Variants in LRBA observed in about 807,000 individuals in gnomAD.
LRBA encodes lipopolysaccharide-responsive and beige-like anchor protein.
Under a neutral mutation model 330.0 loss-of-function variants are expected in LRBA, and 176 were observed. The observed-to-expected ratio is 0.53, with a 90% CI of 0.47 to 0.60. The LOEUF (loss-of-function observed/expected upper bound fraction) is 0.60, where lower values mean the gene tolerates loss of function less well. LRBA is among the 20% of genes least tolerant of loss of function. LRBA has a pLI of 0.00. For missense variants in LRBA, 3,259 were observed against 3,444.8 expected, an observed-to-expected ratio of 0.95 and a Z score of 1.35; for synonymous variants, 1,230 against 1,193.0, an observed-to-expected ratio of 1.03 and a Z score of -0.64.
At chr4:150,935,487 G>T (rs972420235) in intron 2 of LRBA, among the ~76,000 whole-genome samples, 1 of 152,000 alleles carries the variant, frequency 6.6e-6, no homozygotes, top group African/African-American at 2.4e-5. Flanking sequence ...TTTGATAAAT[G>T]AACAGACCTG....
chr4:150,695,287 C>T (rs2126970764), intron 36 of LRBA, among the ~76,000 whole-genome samples: 1 of 152,182 alleles, frequency 6.6e-6, no homozygotes, highest in South Asian at 2.1e-4. Context: ...CTCTCTGTAT[C>T]CCCAGGTTCT....
chr4:150,449,735 A>C (rs1753117597), intron 44 of LRBA, among the ~76,000 whole-genome samples: 1 of 152,012 alleles, frequency 6.6e-6, no homozygotes, highest in South Asian at 2.1e-4. Flanking sequence ...GATTGACTGA[A>C]CTCCCCACAC....
At chr4:151,012,962 AC>A (rs1347415018) in intron 2 of LRBA, 1 of 152,054 alleles carries the variant, frequency 6.6e-6, no homozygotes, top group Non-Finnish European at 1.5e-5. Context: ...ATGGGGTTTC[AC>A]CATGTTGACT....
chr4:150,792,944 G>A (rs779512003), intron 34 of LRBA, among the ~76,000 whole-genome samples: 5 of 152,104 alleles, frequency 3.3e-5, no homozygotes, highest in Non-Finnish European at 7.4e-5. Flanking sequence ...GCCAGGCATG[G>A]TGGCAGGCAT....
At chr4:150,453,096 A>G (rs1182865845) in intron 44 of LRBA, among the ~76,000 whole-genome samples, 1 of 152,202 alleles carries the variant, frequency 6.6e-6, no homozygotes, top group Non-Finnish European at 1.5e-5. Flanking sequence ...GGAACATTCA[A>G]TATTCTTAGT....
chr4:150,822,745 C>T (rs532175625), intron 30 of LRBA, among the ~76,000 whole-genome samples: 1 of 152,236 alleles, frequency 6.6e-6, no homozygotes, highest in South Asian at 2.1e-4. Context: ...GAGCAAGACA[C>T]CGTCTCAAAA....
intron 34 of LRBA, among the ~76,000 whole-genome samples, chr4:150,797,411 A>C (rs1016062436): frequency 1.3e-5 from 2 of 151,958 alleles, no homozygotes; most frequent in Admixed American, 1.3e-4. Flanking sequence ...ACTTTAAAAG[A>C]CTACAAAGAA....
intron 22 of LRBA, among the ~76,000 whole-genome samples, chr4:150,854,552 G>C (rs1750994885): frequency 1.3e-5 from 2 of 152,190 alleles, no homozygotes; most frequent in Admixed American, 1.3e-4. Flanking sequence ...ACACGAATAT[G>C]TAAGATAATG....
chr4:150,822,056 C>T (rs1156802199), intron 30 of LRBA, among the ~76,000 whole-genome samples: 1 of 151,520 alleles, frequency 6.6e-6, no homozygotes, highest in Non-Finnish European at 1.5e-5. Context: ...CCCAAGGCAG[C>T]ATGAAAGTTT....
intron 28 of LRBA, among the ~76,000 whole-genome samples, chr4:150,834,337 T>G (rs1217053207): frequency 6.6e-6 from 1 of 152,212 alleles, no homozygotes; most frequent in East Asian, 1.9e-4. Context: ...TGATAAAATG[T>G]ATGTCTTAAA....
intron 35 of LRBA, among the ~76,000 whole-genome samples, chr4:150,747,658 T>A (rs572849019): frequency 6.6e-6 from 1 of 152,318 alleles, no homozygotes; most frequent in African/African-American, 2.4e-5. Flanking sequence ...AACATTTTCT[T>A]CTCTTAACTT....
intron 21 of LRBA, 127 bp downstream of exon 21, chr4:150,868,055 A>C: frequency 9.6e-7 from 1 of 1,039,004 alleles, no homozygotes; most frequent in Admixed American, 2.6e-5. Context: ...CATTATTTAC[A>C]TACTCTTAAT....
intron 13 of LRBA, among the ~76,000 whole-genome samples, chr4:150,902,006 A>G (rs1730783351): frequency 6.6e-6 from 1 of 152,212 alleles, no homozygotes; most frequent in East Asian, 1.9e-4. Flanking sequence ...AGTAGCTGAA[A>G]TACAGTTGAA....
At chr4:150,346,757 C>CCAAAAAAAAAAAAAAAAAAA (rs1206950764) in intron 48 of LRBA, among the ~76,000 whole-genome samples, 1 of 66,136 alleles carries the variant, frequency 1.5e-5, no homozygotes. Flanking sequence ...GACTCTGTCT[C>CCAAAAAAAAAAAAAAAAAAA]AAAAAAAAAA....
At chr4:150,533,449 G>C (rs1458773943) in intron 40 of LRBA, among the ~76,000 whole-genome samples, 1 of 151,920 alleles carries the variant, frequency 6.6e-6, no homozygotes, top group Admixed American at 6.6e-5. Context: ...TGGGATTACA[G>C]ATGTGAGCCA....
intron 37 of LRBA, among the ~76,000 whole-genome samples, chr4:150,625,605 G>A (rs1418168689): frequency 6.6e-6 from 1 of 151,602 alleles, no homozygotes; most frequent in African/African-American, 2.4e-5. Flanking sequence ...AATCTTGCAT[G>A]AGCATTAGAT....
At chr4:150,450,427 G>C (rs1753198240) in intron 44 of LRBA, among the ~76,000 whole-genome samples, 1 of 152,242 alleles carries the variant, frequency 6.6e-6, no homozygotes, top group South Asian at 2.1e-4. Flanking sequence ...GCCTCTTCCA[G>C]GTTCTGGTAG....
At chr4:150,909,232 T>A (rs1731696648) in intron 9 of LRBA, among the ~76,000 whole-genome samples, 1 of 152,200 alleles carries the variant, frequency 6.6e-6, no homozygotes, top group Non-Finnish European at 1.5e-5. Flanking sequence ...TCTCTAGAAC[T>A]TTTATATCTT....
At chr4:150,433,920 A>G (rs535834088) in intron 46 of LRBA, among the ~76,000 whole-genome samples, 2 of 152,268 alleles carry the variant, frequency 1.3e-5, no homozygotes, top group South Asian at 4.1e-4. Flanking sequence ...TTATTTTTGT[A>G]TACAATAGAA....
Sources: allele counts gnomAD v4.1 joint callset (sites outside exome capture counted in the v4.1 genomes callset), GRCh38; gene constraint gnomAD v4.1.1; transcripts MANE v1.5; gene names NCBI Gene and HGNC (gene_info 2026-07-23, HGNC 2026-07-21).